Variants in GLRA3 observed in about 807,000 individuals in gnomAD.
GLRA3 encodes the protein glycine receptor alpha 3, also known as glycine receptor subunit alpha-3.
GLRA3 carries 44 observed loss-of-function variants against 60.4 expected under a neutral mutation model. The observed-to-expected ratio is 0.73, with a 90% CI of 0.57 to 0.94. The LOEUF is 0.94. Among genes scored for constraint, GLRA3 ranks in the 40% least tolerant of loss-of-function variants. GLRA3 has a pLI of 0.00. For synonymous variants in GLRA3, 223 were observed against 192.9 expected (o/e 1.16, Z -1.29); for missense variants, 508 against 564.6 (o/e 0.90, Z 1.02).
intron 4 of GLRA3, among the ~76,000 whole-genome samples, chr4:174,717,290 GAA>G (rs1413298773): frequency 1.4e-5 from 2 of 139,976 alleles, no homozygotes; most frequent in Admixed American, 1.5e-4. Context: ...GAAAGAGAGA[GAA>G]AGAAAGAAAA....
intron 6 of GLRA3, 82 bp from the exon 7 acceptor site, chr4:174,677,374 T>A: frequency 1.2e-6 from 1 of 814,588 alleles, no homozygotes. Context: ...TCTCTTTTTT[T>A]TTTGAGACAG....
intron 2 of GLRA3, among the ~76,000 whole-genome samples, 191 bp from the exon 3 acceptor site, chr4:174,767,221 G>A (rs1738180014): frequency 6.6e-6 from 1 of 151,418 alleles, no homozygotes; most frequent in African/African-American, 2.4e-5. Flanking sequence ...AGGTTCACAA[G>A]GAACACTGAT....
intron 6 of GLRA3, among the ~76,000 whole-genome samples, chr4:174,681,836 T>G (rs1374776885): frequency 6.6e-6 from 1 of 152,210 alleles, no homozygotes; most frequent in East Asian, 1.9e-4. Flanking sequence ...GCTATTGACT[T>G]GCCTGCTCTT....
intron 7 of GLRA3, among the ~76,000 whole-genome samples, chr4:174,661,679 T>A (rs1733447573): frequency 2.0e-5 from 3 of 152,132 alleles, no homozygotes; most frequent in Admixed American, 2.0e-4. Context: ...TCCTGCTCCA[T>A]AGGATCTGGC....
intron 4 of GLRA3, among the ~76,000 whole-genome samples, chr4:174,720,221 G>T (rs1003428593): frequency 2.0e-5 from 3 of 151,972 alleles, no homozygotes; most frequent in African/African-American, 7.3e-5. Flanking sequence ...ATTATTCTGT[G>T]GTAAAGATAT....
intron 5 of GLRA3, among the ~76,000 whole-genome samples, chr4:174,703,691 T>C (rs1320018609): frequency 6.6e-6 from 1 of 152,220 alleles, no homozygotes; most frequent in Non-Finnish European, 1.5e-5. Context: ...GAGATGACTT[T>C]TGCTGTCATC....
rs975177773 is a variant in GLRA3 at position 174,708,792 on chromosome 4, T to C, written c.574+6696A>G. Among the ~76,000 whole-genome samples the C allele has an allele frequency of 2.7e-5, 4 of 149,448 alleles. No individual in the cohort carries two copies. The South Asian group carries it at 8.4e-4, about 31-fold the overall frequency. On this transcript the variant is annotated intron_variant, in intron 5 of 9. Transcript: ENST00000274093. ...ATTATTATCCAATGTTTTTCCATGA[T>C]TAAAAAAATCCTTCCTGGCTTTTTT...
chr4:174,735,211 C>T (rs1188943563), intron 3 of GLRA3, among the ~76,000 whole-genome samples: 5 of 152,140 alleles, frequency 3.3e-5, no homozygotes, highest in Non-Finnish European at 5.9e-5. Flanking sequence ...TTCACTCTGT[C>T]CTTCACAGCA....
At chr4:174,681,493 G>A (rs1371753002) in intron 6 of GLRA3, among the ~76,000 whole-genome samples, 1 of 152,046 alleles carries the variant, frequency 6.6e-6, no homozygotes, top group Non-Finnish European at 1.5e-5. Context: ...ATTTGGACAT[G>A]GAAACACAGA....
chr4:174,673,661 C>T (rs1733993449), intron 7 of GLRA3, among the ~76,000 whole-genome samples: 1 of 152,096 alleles, frequency 6.6e-6, no homozygotes, highest in African/African-American at 2.4e-5. Context: ...GGCTTTCTTC[C>T]ACTAGAAAAA....
At chr4:174,657,750 ATAAAGT>A (rs1733267389) in intron 8 of GLRA3, among the ~76,000 whole-genome samples, 1 of 152,156 alleles carries the variant, frequency 6.6e-6, no homozygotes, top group Non-Finnish European at 1.5e-5. Context: ...AGGGAAGAAG[ATAAAGT>A]TAATCTCCCC....
At chr4:174,682,268 T>C (rs1293610900) in intron 6 of GLRA3, among the ~76,000 whole-genome samples, 2 of 152,298 alleles carry the variant, frequency 1.3e-5, no homozygotes, top group East Asian at 1.9e-4. Flanking sequence ...TGTACAAATA[T>C]CACATTGAGT....
chr4:174,790,962 C>G (rs1336787366), intron 1 of GLRA3, among the ~76,000 whole-genome samples: 1 of 145,762 alleles, frequency 6.9e-6, no homozygotes. Context: ...CGAGATCACG[C>G]GACGGCACTG....
intron 4 of GLRA3, among the ~76,000 whole-genome samples, chr4:174,721,886 T>C (rs28616844): frequency 0.4 from 60,843 of 151,010 alleles, 12,554 homozygotes; most frequent in South Asian, 0.47. Flanking sequence ...TGTATATATA[T>C]ATGTGTGTGT....
Position 174,637,793 on chromosome 4 carries a change from A to C in GLRA3, c.*5993T>G, listed in dbSNP as rs1209839743. ...ATCTGAAATAAATTTAAAAATATTT[A>C]ATTTAAATTTATTGCTGTTATAGGA... On this transcript the variant is annotated 3_prime_UTR_variant, in exon 10 of 10. Transcript: ENST00000274093. 1 of 152,124 alleles carries C rather than the reference A, an allele frequency of 6.6e-6. No homozygotes were observed. Among genetic ancestry groups the C allele is most frequent in the Admixed American group, 6.6e-5 (1 of 15,264 alleles). 9.4% of individuals were successfully genotyped at this position (152,124 alleles called of 1,614,324 possible).
chr4:174,821,717 T>A (rs943817920), intron 1 of GLRA3, among the ~76,000 whole-genome samples: 1 of 152,128 alleles, frequency 6.6e-6, no homozygotes, highest in Non-Finnish European at 1.5e-5. Flanking sequence ...CATTACACAA[T>A]ACAAATTCGG....
At chr4:174,692,004 G>C (rs536914734) in intron 5 of GLRA3, among the ~76,000 whole-genome samples, 1 of 150,342 alleles carries the variant, frequency 6.7e-6, no homozygotes, top group Admixed American at 6.6e-5. Context: ...CTGCCCCGCC[G>C]CCCCGTCTGG....
At chr4:174,803,330 T>G (rs1411726885) in intron 1 of GLRA3, among the ~76,000 whole-genome samples, 2 of 152,184 alleles carry the variant, frequency 1.3e-5, no homozygotes, top group Non-Finnish European at 2.9e-5. Flanking sequence ...ATTAACTCAC[T>G]GATTTGTAGC....
intron 1 of GLRA3, among the ~76,000 whole-genome samples, chr4:174,815,210 T>C (rs1740438385): frequency 1.3e-5 from 2 of 152,206 alleles, no homozygotes; most frequent in African/African-American, 2.4e-5. Context: ...CTCACATCCA[T>C]GTCATGCTTA....
Sources: allele counts gnomAD v4.1 joint callset (sites outside exome capture counted in the v4.1 genomes callset), GRCh38; gene constraint gnomAD v4.1.1; transcripts MANE v1.5; gene names NCBI Gene and HGNC (gene_info 2026-07-23, HGNC 2026-07-21).